The following PDZD2 variants were observed in gnomAD, a reference collection of about 807,000 sequenced individuals.
The protein encoded by PDZD2 is PDZ domain containing 2.
Under a neutral mutation model 220.7 loss-of-function variants are expected in PDZD2, and 90 were observed. That is an observed-to-expected ratio of 0.41 (90% CI 0.34 to 0.49). The LOEUF is 0.49. PDZD2 is among the 20% of genes least tolerant of loss of function. PDZD2 has a pLI of 0.28. For missense variants in PDZD2, 3,174 were observed against 3,608.5 expected (o/e 0.88, Z 3.08); for synonymous variants, 1,375 against 1,450.5 (o/e 0.95, Z 1.18).
intron 1 of PDZD2, among the ~76,000 whole-genome samples, chr5:31,774,203 C>T (rs1476429654): frequency 6.6e-6 from 1 of 152,086 alleles, no homozygotes; most frequent in African/African-American, 2.4e-5. Flanking sequence ...CAGAGTTCTA[C>T]TTGACCTGTG....
intron 2 of PDZD2, among the ~76,000 whole-genome samples, chr5:31,810,256 T>C (rs1755014774): frequency 1.4e-5 from 2 of 147,386 alleles, no homozygotes; most frequent in African/African-American, 5.0e-5. Context: ...TCTTTTCTTC[T>C]CCAGAGATTT....
intron 1 of PDZD2, among the ~76,000 whole-genome samples, chr5:31,734,868 C>A (rs575404766): frequency 2.6e-5 from 4 of 152,148 alleles, no homozygotes; most frequent in African/African-American, 9.7e-5. Context: ...AGACTTCAAG[C>A]GTTTTAGGAG....
intron 2 of PDZD2, among the ~76,000 whole-genome samples, chr5:31,875,662 T>C (rs1381020492): frequency 6.7e-6 from 1 of 148,266 alleles, no homozygotes; most frequent in East Asian, 1.9e-4. Context: ...TTTTAAAATA[T>C]AAGCATATAA....
At chr5:31,812,035 T>TAAAA (rs55978810) in intron 2 of PDZD2, among the ~76,000 whole-genome samples, 22 of 143,684 alleles carry the variant, frequency 1.5e-4, no homozygotes, top group South Asian at 8.6e-4. Flanking sequence ...AATAAATAAA[T>TAAAA]AAAAATTCAA....
chr5:31,702,000 T>G (rs1438992646), intron 1 of PDZD2, among the ~76,000 whole-genome samples: 3 of 152,228 alleles, frequency 2.0e-5, no homozygotes, highest in Admixed American at 2.0e-4. Flanking sequence ...GGAACTGGCT[T>G]CTAAGCAGCC....
chr5:31,705,580 C>G (rs1747787640), intron 1 of PDZD2, among the ~76,000 whole-genome samples: 1 of 152,030 alleles, frequency 6.6e-6, no homozygotes, highest in Non-Finnish European at 1.5e-5. Flanking sequence ...CAATTAGACC[C>G]TTACGAAAAA....
chr5:31,856,775 C>A (rs1269570647), intron 2 of PDZD2, among the ~76,000 whole-genome samples: 1 of 152,080 alleles, frequency 6.6e-6, no homozygotes, highest in African/African-American at 2.4e-5. Context: ...TTGCCTTCTT[C>A]ATCGTCTTCT....
At chr5:32,105,073 G>A (rs1744630272) in intron 24 of PDZD2, among the ~76,000 whole-genome samples, 1 of 152,114 alleles carries the variant, frequency 6.6e-6, no homozygotes, top group African/African-American at 2.4e-5. Context: ...GGTCGAGGCT[G>A]TGGTGAGCCA....
At chr5:31,879,243 C>T (rs536365910) in intron 2 of PDZD2, among the ~76,000 whole-genome samples, 2 of 151,874 alleles carry the variant, frequency 1.3e-5, no homozygotes, top group South Asian at 2.1e-4. Flanking sequence ...AAAAATTAGC[C>T]GGGCGTGGTG....
chr5:32,037,458 TTTTTACCTTGGA>T (rs1308033115), intron 7 of PDZD2, 116 bp downstream of exon 7: 1 of 649,120 alleles, frequency 1.5e-6, no homozygotes, highest in Non-Finnish European at 2.7e-6. Flanking sequence ...CTCAAAATCA[TTTTTACCTTGGA>T]TGGTGCATAT....
At chr5:31,805,948 A>C (rs1313062921) in intron 2 of PDZD2, among the ~76,000 whole-genome samples, 1 of 152,010 alleles carries the variant, frequency 6.6e-6, no homozygotes, top group Non-Finnish European at 1.5e-5. Context: ...CTTGGTACAA[A>C]CCCTTTCCTA....
At chr5:31,986,593 C>G (rs1350677889) in intron 3 of PDZD2, among the ~76,000 whole-genome samples, 1 of 125,688 alleles carries the variant, frequency 8.0e-6, no homozygotes, top group Non-Finnish European at 1.6e-5. Flanking sequence ...AGATCAAGGT[C>G]TTGCTAAAAT....
At chr5:32,022,368 T>TTC (rs1754289191) in intron 6 of PDZD2, among the ~76,000 whole-genome samples, 1 of 150,486 alleles carries the variant, frequency 6.6e-6, no homozygotes, top group Admixed American at 6.6e-5. Flanking sequence ...CAGCTAATTT[T>TTC]TTTTTTTTTT....
intron 1 of PDZD2, among the ~76,000 whole-genome samples, chr5:31,776,191 C>T (rs1249454859): frequency 6.6e-6 from 1 of 152,164 alleles, no homozygotes; most frequent in African/African-American, 2.4e-5. Flanking sequence ...TCATCTTGGA[C>T]TCCTCCTCTT....
At chr5:31,839,641 A>C (rs1054306521) in intron 2 of PDZD2, among the ~76,000 whole-genome samples, 12 of 152,166 alleles carry the variant, frequency 7.9e-5, no homozygotes, top group Admixed American at 5.9e-4. Context: ...TGAGCATTAC[A>C]GGTTCAAGAC....
chr5:31,819,446 C>T (rs1434413361), intron 2 of PDZD2, among the ~76,000 whole-genome samples: 1 of 152,006 alleles, frequency 6.6e-6, no homozygotes, highest in African/African-American at 2.4e-5. Context: ...CACCTGAGGT[C>T]AGGAGTTGAA....
At chr5:31,824,093 A>C (rs1025135183) in intron 2 of PDZD2, among the ~76,000 whole-genome samples, 1 of 152,218 alleles carries the variant, frequency 6.6e-6, no homozygotes, top group Admixed American at 6.5e-5. Context: ...AAGAAACAGC[A>C]TGAAGGTCAA....
intron 1 of PDZD2, among the ~76,000 whole-genome samples, chr5:31,668,813 A>G (rs1279757100): frequency 6.6e-6 from 1 of 152,118 alleles, no homozygotes; most frequent in Non-Finnish European, 1.5e-5. Context: ...ATAAGAGGGG[A>G]AAAAATGTAG....
chr5:31,784,516 C>G (rs1314841084), intron 1 of PDZD2, among the ~76,000 whole-genome samples: 1 of 152,118 alleles, frequency 6.6e-6, no homozygotes, highest in Non-Finnish European at 1.5e-5. Flanking sequence ...GAAATCATTA[C>G]TTATTGATGT....
Sources: allele counts gnomAD v4.1 joint callset (sites outside exome capture counted in the v4.1 genomes callset), GRCh38; gene constraint gnomAD v4.1.1; transcripts MANE v1.5; gene names NCBI Gene and HGNC (gene_info 2026-07-23, HGNC 2026-07-21).